Variants in RAB44 observed in about 807,000 individuals in gnomAD.
RAB44 encodes the protein RAB44, member RAS oncogene family.
RAB44 carries 67 observed loss-of-function variants against 93.3 expected under a neutral mutation model. That is an observed-to-expected ratio of 0.72 (90% CI 0.59 to 0.88). The LOEUF (loss-of-function observed/expected upper bound fraction) is 0.88. Ranked by LOEUF, RAB44 falls within the 40% of genes least tolerant of loss-of-function variation. The pLI is 0.00. For missense variants in RAB44, 1,064 were observed against 1,261.7 expected (o/e 0.84, Z 2.37); for synonymous variants, 427 against 520.3 (o/e 0.82, Z 2.44).
intron 3 of RAB44, among the ~76,000 whole-genome samples, chr6:36,714,908 T>A (rs1397063119): frequency 6.6e-6 from 1 of 152,198 alleles, no homozygotes. Context: ...TCAGGGCCCC[T>A]GCAGTGCTGT....
In RAB44 at chr6:36,722,257, C is replaced by T. The variant is rs141121485; in HGVS notation, c.2123C>T (p.Ser708Leu). Reference protein sequence around the residue: ...VEAHGLETAHSELPQQDSLLV... With the variant: ...VEAHGLETAHLELPQQDSLLV... ...GCTCACGGCCTAGAAACTGCGCATT[C>T]GGAACTCCCCCAGCAAGACTCTCTG... The change falls in exon 9 of 14, where the codon TCG becomes TTG. Residue 708 changes from serine (S) to leucine (L), a missense_variant. Coordinates refer to ENST00000612677, the MANE Select transcript of RAB44 (RefSeq NM_001257357.2). 1.7e-4 allele frequency: 212 copies of T among 1,275,604 alleles called. 1 individual carries two copies. The African/African-American group carries it at 2.2e-3, about 13-fold the overall frequency. 79.0% of individuals were successfully genotyped at this position (1,275,604 alleles called of 1,614,324 possible).
intron 2 of RAB44, among the ~76,000 whole-genome samples, chr6:36,713,432 G>C (rs1762835275): frequency 6.6e-6 from 1 of 152,134 alleles, no homozygotes; most frequent in South Asian, 2.1e-4. Flanking sequence ...CTGGCCTCAG[G>C]TGATCCACCC....
rs1351347234 is a variant in RAB44, at chr6:36,732,942, G to A, written c.*849G>A. On this transcript the variant is annotated 3_prime_UTR_variant, in exon 14 of 14. Coordinates refer to ENST00000612677, the MANE Select transcript of RAB44 (RefSeq NM_001257357.2). ...GCTAGGGTGTGGCTGGGGGGTCCAA[G>A]CAGCTGGGGAGCCGAGACTCAGAAT... is the stretch of plus-strand genomic sequence containing the variant. 2 of 152,246 alleles carry A rather than the reference G, an allele frequency of 1.3e-5. No homozygotes were observed. The highest frequency in any genetic ancestry group is 6.5e-5 in the Admixed American group (1 of 15,282). The allele number at this position is 152,246 out of a possible 1,614,324, so 9.4% of individuals were successfully genotyped here.
intron 9 of RAB44, 97 bp from the exon 10 acceptor site, chr6:36,725,765 G>A (rs569584874): frequency 8.7e-6 from 7 of 806,894 alleles, no homozygotes; most frequent in East Asian, 5.5e-5. Flanking sequence ...CCATCGCACC[G>A]CAGCTGGTAC....
chr6:36,711,516 C>G (rs1351013913), intron 2 of RAB44, among the ~76,000 whole-genome samples: 1 of 152,180 alleles, frequency 6.6e-6, no homozygotes, highest in Non-Finnish European at 1.5e-5. Flanking sequence ...ATGGACCTGG[C>G]TCCTGAAAAA....
Position 36,717,435 on chromosome 6 carries a change from G to C in RAB44, c.641+16G>C, listed in dbSNP as rs879867322. The C allele has an allele frequency of 3.5e-5, 43 of 1,231,956 alleles. No individual in the cohort carries two copies. Among genetic ancestry groups the C allele is most frequent in the Non-Finnish European group, 4.4e-5 (43 of 988,026 alleles). The allele number at this position is 1,231,956 out of a possible 1,614,324, so 76.3% of individuals were successfully genotyped here. A position where few individuals can be genotyped will look rare whatever the true frequency, so the allele number is the denominator to read the frequency against. On this transcript the variant is annotated intron_variant, in intron 5 of 13. Coordinates refer to ENST00000612677, the MANE Select transcript of RAB44 (RefSeq NM_001257357.2). This position sits in a 1 kb window ranked among gnomAD's most constrained non-coding sequence, Gnocchi z 4.1. ...CCCTGAGGAAGTGAGTGGGGGGCCT[G>C]GCCGGGTGTCTGATACGAAGTAGGT...
At chr6:36,714,938 C>G (rs1020788893) in intron 3 of RAB44, among the ~76,000 whole-genome samples, 3 of 152,188 alleles carry the variant, frequency 2.0e-5, no homozygotes, top group African/African-American at 7.2e-5. Context: ...CGGGGACACA[C>G]TTCTCTGGAG....
chr6:36,715,640 C>G lies in RAB44; in HGVS notation c.481C>G (p.His161Asp), dbSNP rs772782578. The change falls in exon 4 of 14, where the codon CAC becomes GAC. Residue 161 changes from histidine (H) to aspartate (D), a missense_variant. Physicochemically the swap from His to Asp is moderately conservative, Grantham distance 81. Transcript: ENST00000612677. ...LAFMEQLGTG[H>D]LLPKQMEIWQ... ...CTTCATGGAGCAGCTGGGGACTGGA[C>G]ACTTACTTCCCAAGTAAGGCCAGGG... 5 of 1,536,052 alleles carry G rather than the reference C, an allele frequency of 3.3e-6. No individual in the cohort carries two copies. The highest frequency in any genetic ancestry group is 3.9e-5 in the Admixed American group (2 of 51,002).
Position 36,731,305 on chromosome 6 carries a change from C to T in RAB44, c.2975+556C>T, listed in dbSNP as rs141463014. 2.4e-4 allele frequency among the ~76,000 whole-genome samples: 37 copies of T among 152,268 alleles called. No homozygotes were observed. The East Asian group carries it at 6.0e-3, about 25-fold the overall frequency. On this transcript the variant is annotated intron_variant, in intron 13 of 13. Coordinates refer to ENST00000612677, the MANE Select transcript of RAB44 (RefSeq NM_001257357.2). The surrounding 1 kb of genome is among the most constrained non-coding windows in gnomAD (Gnocchi z 4.0). ...CAGCCCCTGTTTGTGTCCTTCATGG[C>T]CCTTCTTGACACGACACATATTAAT...
chr6:36,706,291 C>T (rs1273845855), intron 2 of RAB44, among the ~76,000 whole-genome samples: 1 of 152,164 alleles, frequency 6.6e-6, no homozygotes, highest in Non-Finnish European at 1.5e-5. Flanking sequence ...GGATGTGGGA[C>T]TTCGAGTGCT....
intron 1 of RAB44, among the ~76,000 whole-genome samples, chr6:36,701,011 A>G (rs1762496054): frequency 6.6e-6 from 1 of 152,212 alleles, no homozygotes. Context: ...GGTGAGAGAT[A>G]CCGCGTGAAG....
At chr6:36,698,148 C>G (rs1235126736) in intron 1 of RAB44, among the ~76,000 whole-genome samples, 1 of 152,174 alleles carries the variant, frequency 6.6e-6, no homozygotes, top group East Asian at 1.9e-4. Context: ...GGGCAAGTCA[C>G]CTGGTTTCTC....
intron 9 of RAB44, among the ~76,000 whole-genome samples, chr6:36,724,013 T>C (rs1763167991): frequency 6.6e-6 from 1 of 151,820 alleles, no homozygotes; most frequent in African/African-American, 2.4e-5. Flanking sequence ...TCTCAAACTT[T>C]TCTTGCCCAA....
rs938429671 is a variant in RAB44, at chr6:36,731,562, C to T, written c.2976-441C>T. 3.9e-5 allele frequency among the ~76,000 whole-genome samples: 6 copies of T among 152,050 alleles called. No individual in the cohort carries two copies. Among genetic ancestry groups the T allele is most frequent in the Admixed American group, 6.5e-5 (1 of 15,282 alleles). On this transcript the variant is annotated intron_variant, in intron 13 of 13. Coordinates refer to ENST00000612677, the MANE Select transcript of RAB44 (RefSeq NM_001257357.2). This position sits in a 1 kb window ranked among gnomAD's most constrained non-coding sequence, Gnocchi z 4.0. ...CCTCCAAGCTCTCTCGGCACTGAGC[C>T]GCGCCATGGCCCTCTGCTTGGGATG...
intron 12 of RAB44, among the ~76,000 whole-genome samples, chr6:36,729,004 C>A (rs371604671): frequency 1.1e-4 from 17 of 152,190 alleles, no homozygotes; most frequent in African/African-American, 3.9e-4. Context: ...TCTGGAGATG[C>A]GCTTTAAGCC....
At chr6:36,716,842 CTGG>C (rs946140442) in intron 4 of RAB44, among the ~76,000 whole-genome samples, 17 of 152,216 alleles carry the variant, frequency 1.1e-4, no homozygotes, top group Non-Finnish European at 1.8e-4. Context: ...AGGCCCTGAG[CTGG>C]TGCTTTCATC....
intron 2 of RAB44, among the ~76,000 whole-genome samples, chr6:36,710,634 G>A (rs964312906): frequency 2.9e-5 from 3 of 104,348 alleles, no homozygotes; most frequent in Admixed American, 8.6e-5. Flanking sequence ...TGCAACCTCC[G>A]CCTCCTGGGA....
At chr6:36,709,006 G>A (rs946666042) in intron 2 of RAB44, among the ~76,000 whole-genome samples, 9 of 151,938 alleles carry the variant, frequency 5.9e-5, no homozygotes, top group Admixed American at 2.0e-4. Flanking sequence ...GTGCAATGGC[G>A]TGATCTTGGC....
rs1325879411 is a variant in RAB44, at chr6:36,721,209, C to A, written c.1075C>A (p.Pro359Thr). ...DPQAASPEEA[P>T]LPGLFGDNDD... Reference sequence around the variant, plus strand: ...TCAGGCTGCCTCCCCTGAGGAGGCCCCCCTGCCTGGGCTATTTGGGGACAA... The same window carrying A: ...TCAGGCTGCCTCCCCTGAGGAGGCCACCCTGCCTGGGCTATTTGGGGACAA... Residue 359 changes from proline to threonine, a missense_variant, in exon 9 of 14, where the codon CCC (proline) becomes ACC (threonine). By Grantham distance (38) the Pro-to-Thr change is conservative. Coordinates refer to ENST00000612677, the MANE Select transcript of RAB44 (RefSeq NM_001257357.2). The A allele has an allele frequency of 3.3e-6, 4 of 1,205,332 alleles. No homozygotes were observed. The South Asian group carries it at 1.2e-4, about 37-fold the overall frequency. The allele number at this position is 1,205,332 out of a possible 1,614,324, so 74.7% of individuals were successfully genotyped here. A position where few individuals can be genotyped will look rare whatever the true frequency, so the allele number is the denominator to read the frequency against.
Sources: gnomAD v4.1 joint callset for allele counts (sites outside exome capture counted in the v4.1 genomes callset) on GRCh38, gnomAD v4.1.1 for gene constraint, Gnocchi (gnomAD v3.1) non-coding constraint, MANE v1.5 for transcripts, NCBI Gene and HGNC (gene_info 2026-07-23, HGNC 2026-07-21) for gene names.